USP31: variants seen among roughly 807,000 people sequenced by gnomAD.
The protein encoded by USP31 is ubiquitin carboxyl-terminal hydrolase 31.
A neutral mutation model predicts 119.4 loss-of-function variants in USP31; 44 were observed. That is an observed-to-expected ratio of 0.37 (90% CI 0.29 to 0.47). The LOEUF (loss-of-function observed/expected upper bound fraction) is 0.47. USP31 is among the 20% of genes least tolerant of loss of function. The pLI, the probability that USP31 is intolerant of heterozygous loss-of-function variation, is 0.99. For missense variants in USP31, 1,643 were observed against 1,730.2 expected (o/e 0.95, Z 0.89); for synonymous variants, 749 against 705.6 (o/e 1.06, Z -0.97).
At chr16:23,095,833 G>C (rs188922981) in intron 6 of USP31, among the ~76,000 whole-genome samples, 1 of 152,224 alleles carries the variant, frequency 6.6e-6, no homozygotes, top group East Asian at 1.9e-4. Context: ...CCTTACAAGA[G>C]CTCCTGAAGG....
rs775807653 is a variant in USP31, at chr16:23,061,892, A to G, written c.*6154T>C. 5.2e-5 allele frequency: 8 copies of G among 152,700 alleles called. No individual in the cohort carries two copies. Among genetic ancestry groups the G allele is most frequent in the Admixed American group, 1.3e-4 (2 of 15,284 alleles). 9.5% of individuals were successfully genotyped at this position (152,700 alleles called of 1,614,324 possible). On this transcript the variant is annotated 3_prime_UTR_variant, in exon 16 of 16. Coordinates refer to ENST00000219689, the MANE Select transcript of USP31 (RefSeq NM_020718.4). ...TCAATTTTAACCAGTGGTGAGAGGC[A>G]CAGTTGGTGAGCAGACCTCTATGGA...
chr16:23,080,479 G>C (rs1900771505), intron 12 of USP31, among the ~76,000 whole-genome samples: 1 of 152,098 alleles, frequency 6.6e-6, no homozygotes, highest in South Asian at 2.1e-4. Context: ...ACAGTATCAG[G>C]TGGCTCTTCC....
At chr16:23,136,781 T>C (rs1903206276) in intron 1 of USP31, among the ~76,000 whole-genome samples, 1 of 152,216 alleles carries the variant, frequency 6.6e-6, no homozygotes. Flanking sequence ...AAAGAACTCT[T>C]AACAATTCAT....
rs1900231989 is a variant in USP31, at chr16:23,069,139, A to G, written c.2966T>C (p.Ile989Thr). Reference sequence around the variant, plus strand: ...GGAGTCGCTCTGATCCACATAAGCGATCTGATTATTGTTATCAAATGGACC... The same window carrying G: ...GGAGTCGCTCTGATCCACATAAGCGGTCTGATTATTGTTATCAAATGGACC... ...LSGPFDNNNQ[I>T]AYVDQSDSVD... The change falls in exon 16 of 16, where the codon ATC (isoleucine) becomes ACC (threonine). Residue 989 changes from isoleucine (I) to threonine (T), a missense_variant. Ile to Thr is a moderately conservative substitution (Grantham distance 89, BLOSUM62 -1). This residue lies in a region of USP31 where 699 missense variants were observed against 650.9 expected (regional missense o/e 1.07). Coordinates refer to ENST00000219689, the MANE Select transcript of USP31 (RefSeq NM_020718.4). 1 of 1,613,758 alleles carries G rather than the reference A, an allele frequency of 6.2e-7. No individual in the cohort carries two copies. The highest frequency in any genetic ancestry group is 1.3e-5 in the African/African-American group (1 of 74,910).
chr16:23,089,125 C>T (rs141260775), intron 7 of USP31, among the ~76,000 whole-genome samples: 18 of 152,260 alleles, frequency 1.2e-4, no homozygotes, highest in African/African-American at 3.6e-4. Context: ...AGGTTCTTTA[C>T]TTCATTCCTT....
At chr16:23,135,915 G>C (rs1433048959) in intron 1 of USP31, among the ~76,000 whole-genome samples, 1 of 152,184 alleles carries the variant, frequency 6.6e-6, no homozygotes, top group Non-Finnish European at 1.5e-5. Flanking sequence ...CACACTTCCT[G>C]ATTTCAAAAC....
At chr16:23,117,096 G>GT (rs1902510650) in intron 1 of USP31, among the ~76,000 whole-genome samples, 1 of 152,158 alleles carries the variant, frequency 6.6e-6, no homozygotes, top group South Asian at 2.1e-4. Context: ...TGAGCATAAT[G>GT]TAAGTACTCA....
chr16:23,108,305 G>C (rs1048157388), intron 1 of USP31, 122 bp from the exon 2 acceptor site: 11 of 1,344,994 alleles, frequency 8.2e-6, no homozygotes, highest in Middle Eastern at 2.2e-4. Context: ...CTTCCCAGAA[G>C]GAGTGCAAAG....
chr16:23,092,047 C>G (rs1444015496), intron 6 of USP31, among the ~76,000 whole-genome samples: 2 of 151,858 alleles, frequency 1.3e-5, no homozygotes, highest in East Asian at 3.9e-4. Flanking sequence ...GCACAGAAAT[C>G]AAGCTCTGTG....
At chr16:23,121,827 T>C (rs1361549662) in intron 1 of USP31, among the ~76,000 whole-genome samples, 6 of 152,188 alleles carry the variant, frequency 3.9e-5, no homozygotes, top group Non-Finnish European at 8.8e-5. Flanking sequence ...TTAAGAGCCT[T>C]TGAAATAGGT....
At chr16:23,096,108 C>T in intron 6 of USP31, among the ~76,000 whole-genome samples, 1 of 152,010 alleles carries the variant, frequency 6.6e-6, no homozygotes, top group South Asian at 2.1e-4. Context: ...ATCTCATGTG[C>T]AGAGACACAA....
At chr16:23,140,121 A>C (rs1903311794) in intron 1 of USP31, among the ~76,000 whole-genome samples, 1 of 152,138 alleles carries the variant, frequency 6.6e-6, no homozygotes, top group African/African-American at 2.4e-5. Flanking sequence ...TCATCAAATC[A>C]ATCTCTCTGC....
In USP31 at chr16:23,068,580, T is replaced by G. The variant is rs143554067; in HGVS notation, c.3525A>C (p.Lys1175Asn). 1.2e-5 allele frequency: 19 copies of G among 1,613,582 alleles called. No individual in the cohort carries two copies. The highest frequency in any genetic ancestry group is 1.6e-4 in the Middle Eastern group (1 of 6,084). ...CCTGGCTCACCCGAGGGGAATTGGG[T>G]TTGGAGGTGGAGGTGGCGCTGGCTC... ...SDRASATSTS[K>N]PNSPRVSQAR... Residue 1175 changes from lysine to asparagine, a missense_variant, in exon 16 of 16, where the codon AAA becomes AAC. By Grantham distance (94) the Lys-to-Asn change is moderately conservative. Transcript: ENST00000219689.
At chr16:23,126,950 G>C (rs1183112259) in intron 1 of USP31, among the ~76,000 whole-genome samples, 1 of 152,044 alleles carries the variant, frequency 6.6e-6, no homozygotes, top group Non-Finnish European at 1.5e-5. Context: ...AACAATGAAA[G>C]AATAAATCAT....
chr16:23,082,291 CAG>C (rs1900864678), intron 12 of USP31, 145 bp downstream of exon 12: 2 of 1,085,536 alleles, frequency 1.8e-6, no homozygotes, highest in East Asian at 2.6e-5. Context: ...ACCCTAAACA[CAG>C]GGGCAAAAGT....
At chr16:23,136,514 C>G (rs1314509549) in intron 1 of USP31, among the ~76,000 whole-genome samples, 1 of 151,934 alleles carries the variant, frequency 6.6e-6, no homozygotes, top group African/African-American at 2.4e-5. Context: ...ATTAGTTGGG[C>G]GTGGTGGTGG....
In USP31 at chr16:23,064,196, A is replaced by G. The variant is rs1422198170; in HGVS notation, c.*3850T>C. On this transcript the variant is annotated 3_prime_UTR_variant, in exon 16 of 16. Transcript: ENST00000219689. Reference sequence around the variant, plus strand: ...AATCCAACCCAGAAACACTAGTTAAATCTTTGTATCCAATAATTATAATAA... The same window carrying G: ...AATCCAACCCAGAAACACTAGTTAAGTCTTTGTATCCAATAATTATAATAA... 1 of 152,664 alleles carries G rather than the reference A, an allele frequency of 6.6e-6. No individual in the cohort carries two copies. The highest frequency in any genetic ancestry group is 1.5e-5 in the Non-Finnish European group (1 of 68,038). 9.5% of individuals were successfully genotyped at this position (152,664 alleles called of 1,614,324 possible). A position where few individuals can be genotyped will look rare whatever the true frequency, so the allele number is the denominator to read the frequency against.
At position 23,068,690 on chromosome 16, in the gene USP31, T is replaced by C. The variant is rs1241788691; in HGVS notation, c.3415A>G (p.Arg1139Gly). 2 of 1,614,134 alleles carry C rather than the reference T, an allele frequency of 1.2e-6. No homozygotes were observed. Among genetic ancestry groups the C allele is most frequent in the Admixed American group, 3.3e-5 (2 of 60,018 alleles). ...SAKKASGPAT[R>G]SPFPPGKSRT... ...CTCTTCCCAGGTGGGAAAGGGCTCC[T>C]TGTGGCAGGGCCCGAGGCCTTTTTG... The change falls in exon 16 of 16, where the codon AGG becomes GGG. Residue 1139 changes from arginine to glycine, a missense_variant. Physicochemically the swap from Arg to Gly is moderately radical, Grantham distance 125. Transcript: ENST00000219689.
At chr16:23,124,785 A>G (rs1328863909) in intron 1 of USP31, among the ~76,000 whole-genome samples, 10 of 152,168 alleles carry the variant, frequency 6.6e-5, no homozygotes, top group Admixed American at 5.2e-4. Context: ...GCTACTTGGG[A>G]GGCTGAGGCA....
Sources: gnomAD v4.1 joint callset for allele counts (sites outside exome capture counted in the v4.1 genomes callset) on GRCh38, gnomAD v4.1.1 for gene constraint, gnomAD v4.1.1 regional missense constraint, MANE v1.5 for transcripts, NCBI Gene and HGNC (gene_info 2026-07-23, HGNC 2026-07-21) for gene names.